Variants in ZSWIM5 observed in about 807,000 individuals in gnomAD.
The protein encoded by ZSWIM5 is zinc finger SWIM-type containing 5.
In ZSWIM5, 55 loss-of-function variants were observed where a neutral mutation model predicts 119.6. The observed-to-expected ratio is 0.46, with a 90% CI of 0.37 to 0.58. The LOEUF (loss-of-function observed/expected upper bound fraction) is 0.58. ZSWIM5 is among the 20% of genes least tolerant of loss of function. The pLI is 0.00. For synonymous variants in ZSWIM5, 537 were observed against 606.9 expected (o/e 0.88, Z 1.69); for missense variants, 1,193 against 1,512.8 (o/e 0.79, Z 3.51).
At position 45,017,459 on chromosome 1, in the gene ZSWIM5, G is replaced by A. The variant is rs1644861105; in HGVS notation, c.*995C>T. 2 of 152,208 alleles carry A rather than the reference G, an allele frequency of 1.3e-5. No individual in the cohort carries two copies. Among genetic ancestry groups the A allele is most frequent in the Admixed American group, 1.3e-4 (2 of 15,288 alleles). 9.4% of individuals were successfully genotyped at this position (152,208 alleles called of 1,614,324 possible). A position where few individuals can be genotyped will look rare whatever the true frequency, so the allele number is the denominator to read the frequency against. On this transcript the variant is annotated 3_prime_UTR_variant, in exon 14 of 14. Transcript: ENST00000359600. ...CTCACGTAGAAACTCACAGTCCAGTGTGCACATATTCAAACAGGTACACAG... is the reference window on the plus strand; with the variant it reads ...CTCACGTAGAAACTCACAGTCCAGTATGCACATATTCAAACAGGTACACAG...
chr1:45,096,887 T>C (rs1472772909), intron 1 of ZSWIM5, among the ~76,000 whole-genome samples: 5 of 152,196 alleles, frequency 3.3e-5, no homozygotes, highest in African/African-American at 1.2e-4. Context: ...ACACCTGCTA[T>C]TATAAGAACC....
At chr1:45,045,846 T>C (rs1327986772) in intron 5 of ZSWIM5, among the ~76,000 whole-genome samples, 1 of 152,090 alleles carries the variant, frequency 6.6e-6, no homozygotes, top group African/African-American at 2.4e-5. Context: ...ATATCAGATA[T>C]GTCGTACAGT....
Position 45,182,418 on chromosome 1 carries a change from ACAAAC to A in ZSWIM5, c.595+23333_595+23337del, listed in dbSNP as rs1557791628. On this transcript the variant is annotated intron_variant, in intron 1 of 13. Transcript: ENST00000359600. ...GACTCCGTCTCAAAAAAACAAACAA[ACAAAC>A]AAACAAACAAACAAAAAGACACAGA... Among the ~76,000 whole-genome samples the A allele has an allele frequency of 2.4e-4, 32 of 131,408 alleles. 1 individual carries two copies. Among genetic ancestry groups the A allele is most frequent in the Admixed American group, 2.3e-4 (3 of 12,944 alleles). 86.2% of individuals were successfully genotyped at this position (131,408 alleles called of 152,430 possible). A position where few individuals can be genotyped will look rare whatever the true frequency, so the allele number is the denominator to read the frequency against.
chr1:45,065,396 T>C (rs1645177102), intron 2 of ZSWIM5, among the ~76,000 whole-genome samples: 1 of 152,142 alleles, frequency 6.6e-6, no homozygotes. Context: ...TGGCTGGAAG[T>C]GTGGACTGAC....
At chr1:45,049,359 G>A (rs540877684) in intron 5 of ZSWIM5, among the ~76,000 whole-genome samples, 5 of 152,258 alleles carry the variant, frequency 3.3e-5, no homozygotes, top group African/African-American at 1.2e-4. Context: ...AGAATAGGCA[G>A]GAATCAACTG....
At chr1:45,115,137 C>T (rs528080935) in intron 1 of ZSWIM5, among the ~76,000 whole-genome samples, 31 of 152,368 alleles carry the variant, frequency 2.0e-4, no homozygotes, top group African/African-American at 7.0e-4. Context: ...TCATCATGGC[C>T]GGTTCCCAGT....
In ZSWIM5 at chr1:45,020,141, G is replaced by A. The variant is rs764602900; in HGVS notation, c.2620C>T (p.Arg874Trp). 18 of 1,614,074 alleles carry A rather than the reference G, an allele frequency of 1.1e-5. No individual in the cohort carries two copies. Among genetic ancestry groups the A allele is most frequent in the South Asian group, 4.4e-5 (4 of 91,078 alleles). The change falls in exon 13 of 14, where the codon CGG (arginine) becomes TGG (tryptophan). Residue 874 changes from arginine (R) to tryptophan (W), a missense_variant. Physicochemically the swap from Arg to Trp is moderately radical, Grantham distance 101 (BLOSUM62 -3). This residue lies in a region of ZSWIM5 where 961 missense variants were observed against 1,290.0 expected (regional missense o/e 0.74). Coordinates refer to ENST00000359600, the MANE Select transcript of ZSWIM5 (RefSeq NM_020883.2). ...CAGTTAAGGGTTGATAAGGTCATCC[G>A]CATCACCTGGGCACAAAAGAGGCCT... ...VALELGLQVM[R>W]MTLSTLNWRR... is the part of the protein sequence containing the mutation.
At chr1:45,192,826 TAA>T (rs1276463209) in intron 1 of ZSWIM5, among the ~76,000 whole-genome samples, 1 of 152,178 alleles carries the variant, frequency 6.6e-6, no homozygotes, top group Non-Finnish European at 1.5e-5. Context: ...TCTGGCTTTT[TAA>T]AAAAATAATA....
chr1:45,042,875 A>G (rs1368620947), intron 6 of ZSWIM5, among the ~76,000 whole-genome samples: 1 of 152,218 alleles, frequency 6.6e-6, no homozygotes, highest in Non-Finnish European at 1.5e-5. Flanking sequence ...TTAACAAAAC[A>G]TGTAATTTCA....
intron 4 of ZSWIM5, among the ~76,000 whole-genome samples, chr1:45,053,245 GATTTTCAT>G (rs1645100638): frequency 1.3e-5 from 2 of 152,080 alleles, no homozygotes; most frequent in South Asian, 4.2e-4. Flanking sequence ...TGTAGAAACA[GATTTTCAT>G]ATTTAATCTT....
intron 2 of ZSWIM5, among the ~76,000 whole-genome samples, chr1:45,063,524 G>A (rs948926818): frequency 4.0e-5 from 6 of 151,734 alleles, no homozygotes; most frequent in African/African-American, 1.5e-4. Flanking sequence ...TTTTCATCTT[G>A]TCTTCCCCTA....
intron 8 of ZSWIM5, among the ~76,000 whole-genome samples, chr1:45,037,312 T>C (rs1437901880): frequency 1.3e-5 from 2 of 152,156 alleles, no homozygotes; most frequent in African/African-American, 2.4e-5. Context: ...GGTTTCACCA[T>C]GTTGGCCAGG....
intron 1 of ZSWIM5, among the ~76,000 whole-genome samples, chr1:45,132,577 C>T (rs1235552215): frequency 6.6e-6 from 1 of 152,036 alleles, no homozygotes; most frequent in Non-Finnish European, 1.5e-5. Context: ...GACATTGAAC[C>T]ACCATTTATA....
chr1:45,017,828 C>G lies in ZSWIM5; in HGVS notation c.*626G>C, dbSNP rs1343487192. 1 of 154,698 alleles carries G rather than the reference C, an allele frequency of 6.5e-6. No homozygotes were observed. The highest frequency in any genetic ancestry group is 1.4e-5 in the Non-Finnish European group (1 of 69,752). 9.6% of individuals were successfully genotyped at this position (154,698 alleles called of 1,614,324 possible). On this transcript the variant is annotated 3_prime_UTR_variant, in exon 14 of 14. Coordinates refer to ENST00000359600, the MANE Select transcript of ZSWIM5 (RefSeq NM_020883.2). ...TCACTCACCACTGGACTATAAATGCCCTGTCTGTAGGTGGGGGATTCTGCA... is the reference window on the plus strand; with the variant it reads ...TCACTCACCACTGGACTATAAATGCGCTGTCTGTAGGTGGGGGATTCTGCA...
At chr1:45,022,570 C>A (rs904590619) in intron 11 of ZSWIM5, among the ~76,000 whole-genome samples, 1 of 152,192 alleles carries the variant, frequency 6.6e-6, no homozygotes, top group East Asian at 1.9e-4. Flanking sequence ...TCCCTTTATT[C>A]TTCTATCATC....
At chr1:45,079,407 A>G (rs1240002612) in intron 2 of ZSWIM5, among the ~76,000 whole-genome samples, 1 of 152,176 alleles carries the variant, frequency 6.6e-6, no homozygotes, top group Non-Finnish European at 1.5e-5. Context: ...CATGGCCACC[A>G]TTGCCACAGG....
At chr1:45,159,205 A>T in intron 1 of ZSWIM5, among the ~76,000 whole-genome samples, 1 of 152,188 alleles carries the variant, frequency 6.6e-6, no homozygotes, top group East Asian at 1.9e-4. Flanking sequence ...AAGTTATAGT[A>T]ATCACTATAA....
intron 1 of ZSWIM5, among the ~76,000 whole-genome samples, chr1:45,163,785 A>G (rs746014081): frequency 2.0e-5 from 3 of 152,218 alleles, no homozygotes; most frequent in Non-Finnish European, 4.4e-5. Context: ...GAGTAAAAAG[A>G]AATGAACAAA....
At chr1:45,198,755 G>T (rs1570213219) in intron 1 of ZSWIM5, among the ~76,000 whole-genome samples, 1 of 152,174 alleles carries the variant, frequency 6.6e-6, no homozygotes, top group South Asian at 2.1e-4. Flanking sequence ...ATAATGTAAA[G>T]AAGACTGCAT....
Sources: allele counts gnomAD v4.1 joint callset (sites outside exome capture counted in the v4.1 genomes callset), GRCh38; gene constraint gnomAD v4.1.1; regional missense constraint gnomAD v4.1.1; transcripts MANE v1.5; gene names NCBI Gene and HGNC (gene_info 2026-07-23, HGNC 2026-07-21).